Variants in SLC25A21 observed in about 807,000 individuals in gnomAD.
SLC25A21 encodes the protein mitochondrial 2-oxodicarboxylate carrier.
Under a neutral mutation model 43.8 loss-of-function variants are expected in SLC25A21, and 47 were observed. The ratio of observed to expected loss-of-function variants is 1.07; its 90% confidence interval spans 0.85 to 1.37. The LOEUF (loss-of-function observed/expected upper bound fraction) is 1.37, where lower values mean the gene tolerates loss of function less well. Among genes scored for constraint, SLC25A21 ranks in the 40% most tolerant of loss-of-function variants. The pLI, the probability that SLC25A21 is intolerant of heterozygous loss-of-function variation, is 0.00. For synonymous variants in SLC25A21, 131 were observed against 121.3 expected (o/e 1.08, Z -0.52); for missense variants, 352 against 350.2 (o/e 1.00, Z -0.04).
intron 1 of SLC25A21, among the ~76,000 whole-genome samples, chr14:36,921,122 T>C (rs894231222): frequency 6.6e-6 from 1 of 152,174 alleles, no homozygotes; most frequent in African/African-American, 2.4e-5. Flanking sequence ...TGAATCCTCC[T>C]TTAATGTTGT....
rs533272535 is a variant in SLC25A21, at chr14:36,706,405, A to G, written c.603+4913T>C. On this transcript the variant is annotated intron_variant, in intron 7 of 9. Coordinates refer to ENST00000331299, the MANE Select transcript of SLC25A21 (RefSeq NM_030631.4). ...GAAGTGATGGGCTCAAGGTCATTCC[A>G]CCAGTAAGGGACAAGACTTCACTTC... 2.0e-5 allele frequency among the ~76,000 whole-genome samples: 3 copies of G among 152,274 alleles called. No homozygotes were observed. In the South Asian group the frequency reaches 6.2e-4, roughly 32 times the overall value.
intron 1 of SLC25A21, among the ~76,000 whole-genome samples, chr14:36,940,656 G>T (rs1251152169): frequency 6.6e-6 from 1 of 152,054 alleles, no homozygotes; most frequent in Non-Finnish European, 1.5e-5. Context: ...CAAAAACAAA[G>T]AATTTAATCG....
chr14:36,834,890 A>G (rs1889156532), intron 2 of SLC25A21, among the ~76,000 whole-genome samples: 1 of 152,228 alleles, frequency 6.6e-6, no homozygotes, highest in Admixed American at 6.5e-5. Context: ...AAGTATGATC[A>G]CCAACAAATG....
intron 1 of SLC25A21, among the ~76,000 whole-genome samples, chr14:36,991,905 G>C (rs1300025669): frequency 6.6e-6 from 1 of 152,136 alleles, no homozygotes; most frequent in East Asian, 1.9e-4. Context: ...CTTTTACTCA[G>C]GGTATCTTAA....
intron 2 of SLC25A21, among the ~76,000 whole-genome samples, chr14:36,825,280 TCTCTTA>T (rs1371227368): frequency 1.3e-5 from 2 of 152,150 alleles, no homozygotes; most frequent in Non-Finnish European, 2.9e-5. Flanking sequence ...TCTTTCTCTT[TCTCTTA>T]ACTAAATGCC....
intron 1 of SLC25A21, among the ~76,000 whole-genome samples, chr14:36,892,892 G>A (rs536720293): frequency 1.3e-5 from 2 of 152,160 alleles, no homozygotes; most frequent in Non-Finnish European, 2.9e-5. Flanking sequence ...CCTTTTTTAT[G>A]GCTGCATAGT....
chr14:36,897,862 A>G (rs928236823), intron 1 of SLC25A21, among the ~76,000 whole-genome samples: 2 of 152,314 alleles, frequency 1.3e-5, no homozygotes, highest in African/African-American at 4.8e-5. Flanking sequence ...ATGGGTGAAC[A>G]GCAAATGTTG....
At chr14:36,826,782 G>C (rs1228199790) in intron 2 of SLC25A21, among the ~76,000 whole-genome samples, 1 of 152,164 alleles carries the variant, frequency 6.6e-6, no homozygotes, top group Non-Finnish European at 1.5e-5. Flanking sequence ...GGGCTGTCCT[G>C]GGGGGAGGAG....
intron 1 of SLC25A21, among the ~76,000 whole-genome samples, chr14:36,993,741 A>G (rs528881143): frequency 9.7e-4 from 147 of 152,286 alleles, no homozygotes; most frequent in Non-Finnish European, 1.5e-3. Flanking sequence ...AGCTGTCTGC[A>G]TAGAAAAAGA....
chr14:37,023,377 G>A (rs1382943799), intron 1 of SLC25A21, among the ~76,000 whole-genome samples: 1 of 151,842 alleles, frequency 6.6e-6, no homozygotes, highest in Non-Finnish European at 1.5e-5. Flanking sequence ...AGAATGGAGT[G>A]TTTGTTTGAA....
intron 1 of SLC25A21, among the ~76,000 whole-genome samples, chr14:36,989,658 T>G (rs1960221154): frequency 6.6e-6 from 1 of 152,158 alleles, no homozygotes; most frequent in South Asian, 2.1e-4. Flanking sequence ...GGCTGGTTTT[T>G]ACTCATTTGG....
At chr14:37,080,990 C>A (rs1204037378) in intron 1 of SLC25A21, among the ~76,000 whole-genome samples, 7 of 152,136 alleles carry the variant, frequency 4.6e-5, no homozygotes, top group Non-Finnish European at 7.4e-5. Flanking sequence ...TATCTATTCT[C>A]CTTAATCCTG....
chr14:36,708,917 T>C (rs1473983035), intron 7 of SLC25A21, among the ~76,000 whole-genome samples: 1 of 151,588 alleles, frequency 6.6e-6, no homozygotes, highest in Non-Finnish European at 1.5e-5. Flanking sequence ...GAACATTTAA[T>C]AACTTAAGTG....
At chr14:37,007,600 A>AATAATAATAATAATAATAATAATAAT (rs1960634011) in intron 1 of SLC25A21, among the ~76,000 whole-genome samples, 2 of 148,046 alleles carry the variant, frequency 1.4e-5, no homozygotes, top group Admixed American at 6.8e-5. Flanking sequence ...TCCCTCTCAA[A>AATAATAATAATAATAATAATAATAAT]AATAATAATA....
Position 36,721,512 on chromosome 14 carries a change from C to T in SLC25A21, c.438+4058G>A, listed in dbSNP as rs554203525. On this transcript the variant is annotated intron_variant, in intron 6 of 9. Coordinates refer to ENST00000331299, the MANE Select transcript of SLC25A21 (RefSeq NM_030631.4). ...TGCAGGTACGCTATTCAAGGCCACA[C>T]TGTTGGATAATGGTAAAAAGTGTAA... 2.2e-4 allele frequency among the ~76,000 whole-genome samples: 34 copies of T among 152,312 alleles called. No individual in the cohort carries two copies. The South Asian group carries it at 6.8e-3, about 31-fold the overall frequency.
chr14:36,678,174 C>T lies in SLC25A21; in HGVS notation c.*2484G>A, dbSNP rs1881995214. Reference sequence around the variant, plus strand: ...CACAGTCTACATGGCAATGCGGTTCCACCACATCGGTTTCGTGGCTTCGTT... The same window carrying T: ...CACAGTCTACATGGCAATGCGGTTCTACCACATCGGTTTCGTGGCTTCGTT... On this transcript the variant is annotated 3_prime_UTR_variant, in exon 10 of 10. Transcript: ENST00000331299. 2 of 425,396 alleles carry T rather than the reference C, an allele frequency of 4.7e-6. No individual in the cohort carries two copies. Among genetic ancestry groups the T allele is most frequent in the Non-Finnish European group, 8.6e-6 (2 of 233,228 alleles). The allele number at this position is 425,396 out of a possible 1,614,324, so 26.4% of individuals were successfully genotyped here.
At chr14:36,774,979 GAATT>G (rs1350749418) in intron 3 of SLC25A21, among the ~76,000 whole-genome samples, 1 of 152,024 alleles carries the variant, frequency 6.6e-6, no homozygotes, top group East Asian at 1.9e-4. Flanking sequence ...AAAAACTTTT[GAATT>G]AATTCCAGTG....
At chr14:36,771,697 C>T (rs1283574819) in intron 3 of SLC25A21, among the ~76,000 whole-genome samples, 5 of 151,390 alleles carry the variant, frequency 3.3e-5, no homozygotes, top group Non-Finnish European at 7.4e-5. Context: ...AATTTCAAAA[C>T]ATTTGGGGGA....
At chr14:36,924,267 G>T (rs1892066825) in intron 1 of SLC25A21, among the ~76,000 whole-genome samples, 1 of 152,126 alleles carries the variant, frequency 6.6e-6, no homozygotes, top group South Asian at 2.1e-4. Context: ...CAAAGACTTG[G>T]AACCAACCCA....
Sources: allele counts gnomAD v4.1 joint callset (sites outside exome capture counted in the v4.1 genomes callset), GRCh38; gene constraint gnomAD v4.1.1; transcripts MANE v1.5; gene names NCBI Gene and HGNC (gene_info 2026-07-23, HGNC 2026-07-21).